FRZB: variants seen among roughly 807,000 people sequenced by gnomAD.
FRZB encodes the protein frizzled related protein.
Under a neutral mutation model 32.5 loss-of-function variants are expected in FRZB, and 34 were observed. That is an observed-to-expected ratio of 1.05 (90% CI 0.80 to 1.39). The LOEUF (loss-of-function observed/expected upper bound fraction) is 1.39, where lower values mean the gene tolerates loss of function less well. FRZB is among the 40% of genes most tolerant of loss of function. The pLI is 0.00. For missense variants in FRZB, 423 were observed against 424.8 expected, an observed-to-expected ratio of 1.00 and a Z score of 0.04; for synonymous variants, 170 against 159.2, an observed-to-expected ratio of 1.07 and a Z score of -0.51.
chr2:182,842,073 G>A (rs1183211269), intron 3 of FRZB, among the ~76,000 whole-genome samples: 1 of 152,158 alleles, frequency 6.6e-6, no homozygotes, highest in Non-Finnish European at 1.5e-5. Context: ...AGTCAAGTTT[G>A]AGTCTTTTAA....
chr2:182,840,200 T>G (rs568946483), intron 3 of FRZB, among the ~76,000 whole-genome samples: 16 of 152,222 alleles, frequency 1.1e-4, no homozygotes, highest in African/African-American at 3.6e-4. Flanking sequence ...ATTCTGTATT[T>G]AACAAAAGAT....
At chr2:182,835,642 A>G (rs1695516399) in intron 5 of FRZB, among the ~76,000 whole-genome samples, 1 of 152,164 alleles carries the variant, frequency 6.6e-6, no homozygotes, top group Admixed American at 6.5e-5. Flanking sequence ...AATGGAAGTT[A>G]TATTACATGA....
intron 3 of FRZB, among the ~76,000 whole-genome samples, chr2:182,841,612 A>C (rs1695586883): frequency 6.6e-6 from 1 of 152,164 alleles, no homozygotes; most frequent in Non-Finnish European, 1.5e-5. Context: ...GAATACAGTA[A>C]ATATCAGTCC....
chr2:182,841,944 A>C (rs763165128), intron 3 of FRZB, among the ~76,000 whole-genome samples: 35 of 152,158 alleles, frequency 2.3e-4, no homozygotes, highest in Non-Finnish European at 4.4e-4. Flanking sequence ...GTTTATTAGA[A>C]TGTCGGATTT....
At chr2:182,856,345 A>C (rs889627186) in intron 2 of FRZB, among the ~76,000 whole-genome samples, 1 of 151,964 alleles carries the variant, frequency 6.6e-6, no homozygotes, top group Non-Finnish European at 1.5e-5. Flanking sequence ...GAGGATATAT[A>C]TATATCTCAC....
chr2:182,863,540 G>A (rs1159536782), intron 1 of FRZB, among the ~76,000 whole-genome samples: 3 of 152,192 alleles, frequency 2.0e-5, no homozygotes, highest in Non-Finnish European at 2.9e-5. Context: ...AGATCCCCAT[G>A]AATGGGTAGG....
chr2:182,838,806 G>A (rs181382567), intron 3 of FRZB, among the ~76,000 whole-genome samples, 193 bp from the exon 4 acceptor site: 16 of 152,114 alleles, frequency 1.1e-4, no homozygotes, highest in Admixed American at 5.9e-4. Flanking sequence ...CTGACCTAAT[G>A]CTCAGCCCTG....
chr2:182,857,359 G>T (rs1045532181), intron 2 of FRZB, among the ~76,000 whole-genome samples: 1 of 152,104 alleles, frequency 6.6e-6, no homozygotes, highest in African/African-American at 2.4e-5. Context: ...GGTGGCTCAC[G>T]TGTGTAATCC....
At chr2:182,855,326 G>T (rs1027332668) in intron 2 of FRZB, among the ~76,000 whole-genome samples, 1 of 152,076 alleles carries the variant, frequency 6.6e-6, no homozygotes, top group African/African-American at 2.4e-5. Flanking sequence ...GACTTGAGTG[G>T]GACAAGACAA....
At chr2:182,865,343 A>C (rs1695878921) in intron 1 of FRZB, among the ~76,000 whole-genome samples, 1 of 152,204 alleles carries the variant, frequency 6.6e-6, no homozygotes, top group Non-Finnish European at 1.5e-5. Flanking sequence ...ATGTGAAAAG[A>C]GCTCAGTAAT....
At chr2:182,852,654 A>G (rs1041941532) in intron 2 of FRZB, among the ~76,000 whole-genome samples, 12 of 152,224 alleles carry the variant, frequency 7.9e-5, no homozygotes, top group African/African-American at 2.9e-4. Context: ...TTAATTAAAA[A>G]AAACCCTTTG....
At chr2:182,845,425 T>C (rs1315606113) in intron 2 of FRZB, among the ~76,000 whole-genome samples, 1 of 152,200 alleles carries the variant, frequency 6.6e-6, no homozygotes, top group Non-Finnish European at 1.5e-5. Context: ...ATGGCACAAG[T>C]TTTTTAGAAT....
chr2:182,865,949 G>A (rs374507644), intron 1 of FRZB, 126 bp downstream of exon 1: 3 of 717,168 alleles, frequency 4.2e-6, no homozygotes, highest in Admixed American at 2.8e-5. Context: ...TTTGATAGAG[G>A]AGCAGTTATG....
intron 2 of FRZB, among the ~76,000 whole-genome samples, chr2:182,856,364 G>A (rs1695769654): frequency 6.6e-6 from 1 of 151,962 alleles, no homozygotes; most frequent in East Asian, 1.9e-4. Flanking sequence ...ACATACGTGT[G>A]TGTGTGTGAG....
At chr2:182,841,835 C>T (rs566068956) in intron 3 of FRZB, among the ~76,000 whole-genome samples, 1 of 152,124 alleles carries the variant, frequency 6.6e-6, no homozygotes, top group Non-Finnish European at 1.5e-5. Context: ...GTATGGAAAT[C>T]ACTTAGCACA....
At chr2:182,852,212 G>T (rs1271843417) in intron 2 of FRZB, among the ~76,000 whole-genome samples, 2 of 152,028 alleles carry the variant, frequency 1.3e-5, no homozygotes, top group Admixed American at 6.6e-5. Flanking sequence ...GAGAGGGAAT[G>T]GGTCTATACT....
intron 2 of FRZB, among the ~76,000 whole-genome samples, chr2:182,848,014 G>A (rs1695664960): frequency 6.6e-6 from 1 of 151,574 alleles, no homozygotes; most frequent in African/African-American, 2.4e-5. Flanking sequence ...AGACAAGAAG[G>A]CCAGAGGCTT....
At chr2:182,861,902 G>A (rs1000817260) in intron 1 of FRZB, among the ~76,000 whole-genome samples, 1 of 152,184 alleles carries the variant, frequency 6.6e-6, no homozygotes, top group African/African-American at 2.4e-5. Flanking sequence ...TCTAAATAAA[G>A]TTAAATACTA....
chr2:182,848,511 C>T (rs2105757473), intron 2 of FRZB, among the ~76,000 whole-genome samples: 1 of 152,242 alleles, frequency 6.6e-6, no homozygotes, highest in South Asian at 2.1e-4. Context: ...ATCAAATGGA[C>T]ACTTAATGGA....
Sources: allele counts gnomAD v4.1 joint callset (sites outside exome capture counted in the v4.1 genomes callset), GRCh38; gene constraint gnomAD v4.1.1; transcripts MANE v1.5; gene names NCBI Gene and HGNC (gene_info 2026-07-23, HGNC 2026-07-21).